The following SPATS1 variants were observed in gnomAD, a reference collection of about 807,000 sequenced individuals.
SPATS1 encodes the protein spermatogenesis associated serine rich 1.
SPATS1 carries 23 observed loss-of-function variants against 33.6 expected under a neutral mutation model. That is an observed-to-expected ratio of 0.68 (90% CI 0.49 to 0.97). The LOEUF (loss-of-function observed/expected upper bound fraction) is 0.97, where lower values mean the gene tolerates loss of function less well. Among genes scored for constraint, SPATS1 ranks in the 50% least tolerant of loss-of-function variants. SPATS1 has a pLI of 0.00. For missense variants in SPATS1, 327 were observed against 361.0 expected (o/e 0.91, Z 0.76); for synonymous variants, 131 against 125.6 (o/e 1.04, Z -0.29).
chr6:44,346,049 G>A, intron 2 of SPATS1, among the ~76,000 whole-genome samples: 1 of 152,116 alleles, frequency 6.6e-6, no homozygotes, highest in East Asian at 1.9e-4. Flanking sequence ...GCACTTTTGA[G>A]GTGGGTGGAT....
intron 5 of SPATS1, among the ~76,000 whole-genome samples, chr6:44,363,400 C>T (rs1375886522): frequency 6.6e-6 from 1 of 152,186 alleles, no homozygotes; most frequent in Non-Finnish European, 1.5e-5. Context: ...CGGCCTTGGC[C>T]TCTCAAAGTG....
Position 44,377,163 on chromosome 6 carries a change from C to T in SPATS1, c.*100C>T. 1 of 1,429,178 alleles carries T rather than the reference C, an allele frequency of 7.0e-7. No individual in the cohort carries two copies. 88.5% of individuals were successfully genotyped at this position (1,429,178 alleles called of 1,614,324 possible). A position where few individuals can be genotyped will look rare whatever the true frequency, so the allele number is the denominator to read the frequency against. On this transcript the variant is annotated 3_prime_UTR_variant, in exon 9 of 9. Transcript: ENST00000674044. The stretch of plus-strand genomic sequence containing the variant: ...GACTGTTCTAAATCCAGTGTTTGAC[C>T]CTTATGAGGAAGTGTTGTGCTTTGC...
intron 7 of SPATS1, among the ~76,000 whole-genome samples, chr6:44,374,039 G>A (rs1007259468): frequency 3.3e-5 from 5 of 152,212 alleles, no homozygotes; most frequent in African/African-American, 1.2e-4. Context: ...GGAAGTTGAG[G>A]ACATGTTGCA....
At chr6:44,372,365 TG>T (rs1378742333) in intron 7 of SPATS1, among the ~76,000 whole-genome samples, 1 of 152,162 alleles carries the variant, frequency 6.6e-6, no homozygotes, top group Non-Finnish European at 1.5e-5. Flanking sequence ...TCCTGCTTCC[TG>T]GTATGTCTAG....
chr6:44,356,341 C>T (rs891264690), intron 3 of SPATS1, among the ~76,000 whole-genome samples: 5 of 152,220 alleles, frequency 3.3e-5, no homozygotes, highest in African/African-American at 1.2e-4. Flanking sequence ...CTGATCATCT[C>T]TTACCTGGAC....
intron 3 of SPATS1, among the ~76,000 whole-genome samples, chr6:44,354,296 T>C (rs1263290046): frequency 5.3e-5 from 8 of 151,924 alleles, no homozygotes; most frequent in Non-Finnish European, 1.0e-4. Flanking sequence ...ATCGAGCCGT[T>C]GCACTCCAGC....
At chr6:44,365,766 G>A (rs73439578) in intron 5 of SPATS1, among the ~76,000 whole-genome samples, 2,918 of 152,264 alleles carry the variant, frequency 0.019, 90 homozygotes, top group African/African-American at 0.066. Flanking sequence ...ATGGTTATTT[G>A]TCTCTAAATG....
chr6:44,358,277 A>C (rs1375265331), intron 3 of SPATS1, among the ~76,000 whole-genome samples: 3 of 152,236 alleles, frequency 2.0e-5, no homozygotes, highest in Admixed American at 6.5e-5. Flanking sequence ...ATAACAGATC[A>C]TTGTACCTGA....
chr6:44,379,726 T>C lies in SPATS1; in HGVS notation c.*2663T>C, dbSNP rs1382526899. 6.6e-6 allele frequency among the ~76,000 whole-genome samples: 1 copy of C among 150,992 alleles called. No homozygotes were observed. Among genetic ancestry groups the C allele is most frequent in the Non-Finnish European group, 1.5e-5 (1 of 67,808 alleles). On this transcript the variant is annotated 3_prime_UTR_variant, in exon 9 of 9. Transcript: ENST00000674044. Reference sequence around the variant, plus strand: ...GGTCTATATAATTCCTAGGTGCTGCTCTAAGTAGATATGATTTGATTCCTT... The same window carrying C: ...GGTCTATATAATTCCTAGGTGCTGCCCTAAGTAGATATGATTTGATTCCTT...
chr6:44,352,633 C>A, intron 2 of SPATS1, 93 bp from the exon 3 acceptor site: 1 of 1,125,406 alleles, frequency 8.9e-7, no homozygotes, highest in Non-Finnish European at 1.3e-6. Context: ...TAAATGTTAG[C>A]TGTTTTAAAA....
At chr6:44,345,499 G>A (rs1787819365) in intron 2 of SPATS1, among the ~76,000 whole-genome samples, 1 of 152,134 alleles carries the variant, frequency 6.6e-6, no homozygotes, top group Non-Finnish European at 1.5e-5. Flanking sequence ...AAAAGCTTGG[G>A]AAAGGACCCT....
intron 6 of SPATS1, 63 bp from the exon 7 acceptor site, chr6:44,369,988 A>T: frequency 8.6e-7 from 1 of 1,162,316 alleles, no homozygotes; most frequent in Non-Finnish European, 1.3e-6. Flanking sequence ...GAATACAATG[A>T]TGTATTGATC....
At chr6:44,359,828 C>T (rs1788798430) in intron 3 of SPATS1, among the ~76,000 whole-genome samples, 1 of 152,200 alleles carries the variant, frequency 6.6e-6, no homozygotes, top group Non-Finnish European at 1.5e-5. Flanking sequence ...CCTCAGCGTT[C>T]CAAAGTGTTG....
intron 5 of SPATS1, among the ~76,000 whole-genome samples, chr6:44,365,185 A>C (rs1401182475): frequency 6.6e-6 from 1 of 152,262 alleles, no homozygotes; most frequent in Non-Finnish European, 1.5e-5. Flanking sequence ...ATTATATCAA[A>C]AAATCAATCA....
intron 5 of SPATS1, among the ~76,000 whole-genome samples, chr6:44,365,220 T>C (rs559253863): frequency 6.6e-6 from 1 of 152,348 alleles, no homozygotes; most frequent in South Asian, 2.1e-4. Flanking sequence ...AATGGTTGAC[T>C]GTTATCCATC....
intron 2 of SPATS1, among the ~76,000 whole-genome samples, chr6:44,343,754 G>T (rs992402417): frequency 2.6e-5 from 4 of 152,164 alleles, no homozygotes; most frequent in African/African-American, 9.7e-5. Context: ...GGGTATTTGG[G>T]GGCACGTTTG....
Position 44,370,087 on chromosome 6 carries a change from A to C in SPATS1, c.732A>C (p.Pro244=), listed in dbSNP as rs1176838168. The C allele has an allele frequency of 6.2e-7, 1 of 1,612,296 alleles. No homozygotes were observed. Among genetic ancestry groups the C allele is most frequent in the Admixed American group, 1.7e-5 (1 of 59,898 alleles). The change falls in exon 7 of 9, where the codon CCA becomes CCC. Residue 244 remains proline (P), a synonymous_variant. Transcript: ENST00000674044. ...PYEKKFDTFI[P]LEPLPQIPNL... ...AAAAGAAATTTGATACATTTATTCCACTTGAGCCTCTTCCACAAATTCCCA... is the reference window on the plus strand; with the variant it reads ...AAAAGAAATTTGATACATTTATTCCCCTTGAGCCTCTTCCACAAATTCCCA...
chr6:44,364,283 G>T (rs1170078635), intron 5 of SPATS1, among the ~76,000 whole-genome samples: 3 of 152,146 alleles, frequency 2.0e-5, no homozygotes, highest in Admixed American at 1.3e-4. Flanking sequence ...ATATCCCATT[G>T]TCTCATAAAT....
intron 2 of SPATS1, among the ~76,000 whole-genome samples, chr6:44,344,745 A>G (rs1787775091): frequency 6.6e-6 from 1 of 152,232 alleles, no homozygotes; most frequent in Admixed American, 6.5e-5. Context: ...ATGGCAATAA[A>G]GAAACAGACT....
Sources: allele counts gnomAD v4.1 joint callset (sites outside exome capture counted in the v4.1 genomes callset), GRCh38; gene constraint gnomAD v4.1.1; transcripts MANE v1.5; gene names NCBI Gene and HGNC (gene_info 2026-07-23, HGNC 2026-07-21).